Variants in SNRNP200 observed in about 807,000 individuals in gnomAD.
SNRNP200 encodes the protein small nuclear ribonucleoprotein U5 subunit 200, also known as U5 small nuclear ribonucleoprotein 200 kDa helicase.
Under a neutral mutation model 255.2 loss-of-function variants are expected in SNRNP200, and 66 were observed. The observed-to-expected ratio is 0.26, with a 90% CI of 0.21 to 0.32. The LOEUF (loss-of-function observed/expected upper bound fraction) is 0.32, where lower values mean the gene tolerates loss of function less well. Among genes scored for constraint, SNRNP200 ranks in the 10% least tolerant of loss-of-function variants. The pLI, the probability that SNRNP200 is intolerant of heterozygous loss-of-function variation, is 1.00. For missense variants in SNRNP200, 1,585 were observed against 2,749.8 expected, an observed-to-expected ratio of 0.58 and a Z score of 9.47; for synonymous variants, 939 against 1,027.8, an observed-to-expected ratio of 0.91 and a Z score of 1.65.
intron 31 of SNRNP200, 81 bp from the exon 32 acceptor site, chr2:96,284,085 A>C: frequency 7.5e-7 from 1 of 1,334,344 alleles, no homozygotes; most frequent in Non-Finnish European, 1.0e-6. Context: ...TGAACAGCCC[A>C]ACAGCCTCAA....
Position 96,288,000 on chromosome 2 carries a change from A to C in SNRNP200, c.3259-31T>G. On this transcript the variant is annotated intron_variant, in intron 24 of 44. Transcript: ENST00000323853. The surrounding 1 kb of genome is among the most constrained non-coding windows in gnomAD (Gnocchi z 5.7). ...CAAAGAAGCAGCATTCCCACTGTTA[A>C]GTCTCGACTATCCCCAGGCCTCATG... 6.3e-7 allele frequency: 1 copy of C among 1,597,570 alleles called. No homozygotes were observed. The highest frequency in any genetic ancestry group is 8.6e-7 in the Non-Finnish European group (1 of 1,165,034).
Position 96,296,936 on chromosome 2 carries a change from A to C in SNRNP200, c.1512T>G (p.Pro504=). 6.2e-7 allele frequency: 1 copy of C among 1,614,226 alleles called. No homozygotes were observed. The highest frequency in any genetic ancestry group is 8.5e-7 in the Non-Finnish European group (1 of 1,180,040). ...ETDENLLLCA[P]TGAGKTNVAL... ...CAGCAGGCAGGGTGGCGCTTACAGT[A>C]GGAGCACACAGCAGCAGATTCTCAT... is the stretch of plus-strand genomic sequence containing the variant. The change falls in exon 12 of 45, where the codon CCT becomes CCG. Residue 504 remains proline (P), a synonymous_variant. Coordinates refer to ENST00000323853, the MANE Select transcript of SNRNP200 (RefSeq NM_014014.5).
Position 96,282,744 on chromosome 2 carries a change from G to A in SNRNP200, c.4915+457C>T, listed in dbSNP as rs72937670. On this transcript the variant is annotated intron_variant, in intron 34 of 44. Coordinates refer to ENST00000323853, the MANE Select transcript of SNRNP200 (RefSeq NM_014014.5). ...CATATAAGATGCCTGCTTCCCCTTT[G>A]CCTTCCCTGAGGCCTTCCCAGAAGC... 1.5e-3 allele frequency: 421 copies of A among 284,876 alleles called. 2 individuals are homozygous for A. Among genetic ancestry groups the A allele is most frequent in the African/African-American group, 8.5e-3 (388 of 45,664 alleles). 17.6% of individuals were successfully genotyped at this position (284,876 alleles called of 1,614,324 possible). A position where few individuals can be genotyped will look rare whatever the true frequency, so the allele number is the denominator to read the frequency against.
At position 96,290,260 on chromosome 2, in the gene SNRNP200, G is replaced by T; in HGVS notation, c.2742+66C>A. 3 of 1,556,146 alleles carry T rather than the reference G, an allele frequency of 1.9e-6. No homozygotes were observed. In the South Asian group the frequency reaches 3.4e-5, roughly 17 times the overall value. ...GCTGGCCCGCAGCACAATAGGGACC[G>T]ACCCACTCCTGGTGCCTTGGTGTCT... On this transcript the variant is annotated intron_variant, in intron 20 of 44. Transcript: ENST00000323853. This position sits in a 1 kb window ranked among gnomAD's most constrained non-coding sequence, Gnocchi z 4.5.
chr2:96,284,778 T>C, intron 30 of SNRNP200, 193 bp from the exon 31 acceptor site: 1 of 595,406 alleles, frequency 1.7e-6, no homozygotes. Flanking sequence ...AGATGAAGTC[T>C]CGCTCTTGTT....
At chr2:96,288,871 T>C (rs1301715607) in intron 23 of SNRNP200, 125 bp from the exon 24 acceptor site, 9 of 1,020,878 alleles carry the variant, frequency 8.8e-6, no homozygotes, top group Non-Finnish European at 1.4e-5. Context: ...TTACAAATAC[T>C]AAATAATTGT....
intron 43 of SNRNP200, chr2:96,276,594 G>C (rs924470933): frequency 2.7e-6 from 1 of 375,922 alleles, no homozygotes; most frequent in African/African-American, 2.1e-5. Context: ...GCTAATTTTT[G>C]TATTTTTAGT....
chr2:96,277,036 A>G lies in SNRNP200; in HGVS notation c.6092+45T>C. On this transcript the variant is annotated intron_variant, in intron 42 of 44. Coordinates refer to ENST00000323853, the MANE Select transcript of SNRNP200 (RefSeq NM_014014.5). The surrounding 1 kb of genome is among the most constrained non-coding windows in gnomAD (Gnocchi z 4.4). ...GTCAGTGATGGGGCAGTGGGCTCAGAGCACACTATTATGCTGTGCCCAACA... is the reference window on the plus strand; with the variant it reads ...GTCAGTGATGGGGCAGTGGGCTCAGGGCACACTATTATGCTGTGCCCAACA... 2 of 1,613,922 alleles carry G rather than the reference A, an allele frequency of 1.2e-6. No homozygotes were observed. Among genetic ancestry groups the G allele is most frequent in the Non-Finnish European group, 1.7e-6 (2 of 1,179,778 alleles).
intron 5 of SNRNP200, among the ~76,000 whole-genome samples, chr2:96,300,057 A>G (rs1425734928): frequency 6.6e-6 from 1 of 152,216 alleles, no homozygotes; most frequent in Admixed American, 6.5e-5. Context: ...ACAGGACTCA[A>G]ACTCAGAAGT....
At chr2:96,303,660 C>T (rs2063968420) in intron 2 of SNRNP200, among the ~76,000 whole-genome samples, 1 of 152,180 alleles carries the variant, frequency 6.6e-6, no homozygotes, top group Non-Finnish European at 1.5e-5. Flanking sequence ...GAGGCCAAGG[C>T]AGGCGGATCA....
At position 96,305,509 on chromosome 2, in the gene SNRNP200, G is replaced by A. The variant is rs1393766540; in HGVS notation, c.-72C>T. The A allele has an allele frequency of 9.4e-6, 15 of 1,596,810 alleles. No homozygotes were observed. Among genetic ancestry groups the A allele is most frequent in the South Asian group, 7.7e-5 (7 of 90,764 alleles). Reference sequence around the variant, plus strand: ...AAGCTGCAAACGGCCGCAGATCTCTGCTCCCGCCGCGCCGGAACGACGCAG... The same window carrying A: ...AAGCTGCAAACGGCCGCAGATCTCTACTCCCGCCGCGCCGGAACGACGCAG... On this transcript the variant is annotated 5_prime_UTR_variant, in exon 1 of 45. Transcript: ENST00000323853.
rs751773374 is a variant in SNRNP200, at chr2:96,277,260, C to T, written c.5932-19G>A. ...CCACTCCCTGCAGTGAGTATTCAGACGTCAGGAAAGAGAGAACACGGGCCA... is the reference window on the plus strand; with the variant it reads ...CCACTCCCTGCAGTGAGTATTCAGATGTCAGGAAAGAGAGAACACGGGCCA... On this transcript the variant is annotated intron_variant, in intron 41 of 44. Coordinates refer to ENST00000323853, the MANE Select transcript of SNRNP200 (RefSeq NM_014014.5). This position sits in a 1 kb window ranked among gnomAD's most constrained non-coding sequence, Gnocchi z 4.4. 19 of 1,613,760 alleles carry T rather than the reference C, an allele frequency of 1.2e-5. No individual in the cohort carries two copies. The highest frequency in any genetic ancestry group is 8.0e-5 in the African/African-American group (6 of 74,892).
In SNRNP200 at chr2:96,291,770, G is replaced by A; in HGVS notation, c.2291C>T (p.Thr764Ile). 1.2e-6 allele frequency: 2 copies of A among 1,614,160 alleles called. No individual in the cohort carries two copies. Among genetic ancestry groups the A allele is most frequent in the Non-Finnish European group, 1.7e-6 (2 of 1,180,040 alleles). The change falls in exon 17 of 45, where the codon ACA (threonine) becomes ATA (isoleucine). Residue 764 changes from threonine to isoleucine, a missense_variant. Coordinates refer to ENST00000323853, the MANE Select transcript of SNRNP200 (RefSeq NM_014014.5). This position sits in a 1 kb window ranked among gnomAD's most constrained non-coding sequence, Gnocchi z 4.2. ...EGSASTEVLR[T>I]EAEQCKNLEL... is the part of the protein sequence containing the mutation. ...CCTCACCTTGCACTGCTCAGCTTCT[G>A]TTCGCAGGACTTCTGTGGAGGCTGA... is the stretch of plus-strand genomic sequence containing the variant.
chr2:96,296,683 C>T lies in SNRNP200; in HGVS notation c.1524G>A (p.Gly508=). Reference sequence around the variant, plus strand: ...TGCACATCAGGGCCACGTTGGTCTTCCCAGCACCCTACGGGAGAGGTCAGG... The same window carrying T: ...TGCACATCAGGGCCACGTTGGTCTTTCCAGCACCCTACGGGAGAGGTCAGG... ...NLLLCAPTGA[G]KTNVALMCML... The change falls in exon 13 of 45, where the codon GGG becomes GGA. Residue 508 remains glycine (G), a synonymous_variant. Transcript: ENST00000323853. The T allele has an allele frequency of 6.2e-7, 1 of 1,614,188 alleles. No individual in the cohort carries two copies. The highest frequency in any genetic ancestry group is 8.5e-7 in the Non-Finnish European group (1 of 1,180,018).
Position 96,283,230 on chromosome 2 carries a change from C to G in SNRNP200, c.4886G>C (p.Arg1629Pro). ...YLHEGLSPME[R>P]RLVEQLFSSG... ...GCTGAAGAGCTGCTCCACCAGGCGT[C>G]GCTCCATGGGGCTGAGCCCCTCATG... Residue 1629 changes from arginine (R) to proline (P), a missense_variant, in exon 34 of 45, where the codon CGA becomes CCA. Physicochemically the swap from Arg to Pro is moderately radical, Grantham distance 103 (BLOSUM62 -2). Around this residue, in one of 9 missense-constraint regions of SNRNP200, gnomAD observed 719 missense variants for 1,091.1 expected, o/e 0.66. Coordinates refer to ENST00000323853, the MANE Select transcript of SNRNP200 (RefSeq NM_014014.5). The surrounding 1 kb of genome is among the most constrained non-coding windows in gnomAD (Gnocchi z 4.7). The G allele has an allele frequency of 1.9e-6, 3 of 1,614,210 alleles. No homozygotes were observed. The highest frequency in any genetic ancestry group is 2.5e-6 in the Non-Finnish European group (3 of 1,180,048).
In SNRNP200 at chr2:96,289,870, C is replaced by T. The variant is rs559479531; in HGVS notation, c.2869G>A (p.Val957Ile). The T allele has an allele frequency of 6.2e-7, 1 of 1,614,184 alleles. No individual in the cohort carries two copies. The highest frequency in any genetic ancestry group is 1.1e-5 in the South Asian group (1 of 91,084). ...PLLDQRRLDL[V>I]HTAALMLDKN... ...TCCAGCATCAGGGCAGCTGTATGAA[C>T]CAGATCTAGTCGGCGCTGGTCCAGC... The change falls in exon 21 of 45, where the codon GTT (valine) becomes ATT (isoleucine). Residue 957 changes from valine (V) to isoleucine (I), a missense_variant. Around this residue, in one of 9 missense-constraint regions of SNRNP200, gnomAD observed 719 missense variants for 1,091.1 expected, o/e 0.66. Transcript: ENST00000323853.
rs746747464 is a variant in SNRNP200 at position 96,298,261 on chromosome 2, A to G, written c.1119+23T>C. 28 of 1,614,112 alleles carry G rather than the reference A, an allele frequency of 1.7e-5. No individual in the cohort carries two copies. The East Asian group carries it at 6.0e-4, about 35-fold the overall frequency. ...GCCACCGTTAGCTCAGAAATCAGAC[A>G]GATAAACCAACCCAGTCCTTACTCG... On this transcript the variant is annotated intron_variant, in intron 9 of 44. Coordinates refer to ENST00000323853, the MANE Select transcript of SNRNP200 (RefSeq NM_014014.5).
intron 34 of SNRNP200, chr2:96,282,530 G>A (rs947401516): frequency 9.1e-5 from 16 of 176,052 alleles, no homozygotes; most frequent in South Asian, 6.3e-4. Flanking sequence ...ACCAAATCTC[G>A]TCGACCTGTA....
At position 96,278,512 on chromosome 2, in the gene SNRNP200, C is replaced by G; in HGVS notation, c.5488+35G>C. 6.2e-7 allele frequency: 1 copy of G among 1,612,932 alleles called. No individual in the cohort carries two copies. The highest frequency in any genetic ancestry group is 8.5e-7 in the Non-Finnish European group (1 of 1,179,996). On this transcript the variant is annotated intron_variant, in intron 38 of 44. Transcript: ENST00000323853. This position sits in a 1 kb window ranked among gnomAD's most constrained non-coding sequence, Gnocchi z 6.9. ...GGCTCCTGACCCGTGTAAAAAGGCT[C>G]CCACAGACAGGACACGGGCCATGCC...
Sources: allele counts gnomAD v4.1 joint callset (sites outside exome capture counted in the v4.1 genomes callset), GRCh38; gene constraint gnomAD v4.1.1; regional missense constraint gnomAD v4.1.1; non-coding constraint Gnocchi (gnomAD v3.1); transcripts MANE v1.5; gene names NCBI Gene and HGNC (gene_info 2026-07-23, HGNC 2026-07-21).